CDH13: variants seen among roughly 807,000 people sequenced by gnomAD.
CDH13 encodes the protein cadherin 13.
A neutral mutation model predicts 63.8 loss-of-function variants in CDH13; 24 were observed. The ratio of observed to expected loss-of-function variants is 0.38; its 90% confidence interval spans 0.27 to 0.53. The LOEUF is 0.53. Ranked by LOEUF, CDH13 falls within the 20% of genes least tolerant of loss-of-function variation. The probability of loss-of-function intolerance (pLI) is 0.85; values close to 1 mark genes in which losing one functional copy is unlikely to be tolerated. For synonymous variants in CDH13, 503 were observed against 355.3 expected, an observed-to-expected ratio of 1.42 and a Z score of -4.67; for missense variants, 1,049 against 903.1, an observed-to-expected ratio of 1.16 and a Z score of -2.07.
intron 4 of CDH13, among the ~76,000 whole-genome samples, chr16:83,201,233 C>G (rs1013802696): frequency 2.0e-5 from 3 of 151,978 alleles, no homozygotes; most frequent in Non-Finnish European, 2.9e-5. Flanking sequence ...TACTATGGAC[C>G]ATGCACTGTT....
At chr16:83,131,472 C>T (rs1188920054) in intron 4 of CDH13, among the ~76,000 whole-genome samples, 1 of 152,112 alleles carries the variant, frequency 6.6e-6, no homozygotes, top group Non-Finnish European at 1.5e-5. Context: ...TTTTTCCCCT[C>T]CCCCTTCAAA....
At position 83,050,687 on chromosome 16, in the gene CDH13, C is replaced by T. The variant is rs567494484; in HGVS notation, c.366+18469C>T. On this transcript the variant is annotated intron_variant, in intron 3 of 13. Coordinates refer to ENST00000567109, the MANE Select transcript of CDH13 (RefSeq NM_001257.5). ...GCTTCATTTCTGACCTCAGGTCCATCGTGTCTACAGCGCATCTCCACCCGT... is the reference window on the plus strand; with the variant it reads ...GCTTCATTTCTGACCTCAGGTCCATTGTGTCTACAGCGCATCTCCACCCGT... Among the ~76,000 whole-genome samples, 15 of 152,146 alleles carry T rather than the reference C, an allele frequency of 9.9e-5. No homozygotes were observed. The South Asian group carries it at 2.5e-3, about 25-fold the overall frequency.
intron 7 of CDH13, among the ~76,000 whole-genome samples, chr16:83,552,697 C>G (rs575774559): frequency 1.3e-4 from 20 of 152,184 alleles, no homozygotes; most frequent in Non-Finnish European, 2.5e-4. Context: ...GAATTTGTCA[C>G]TAAAGAAAGA....
chr16:83,790,757 TC>T (rs1055078566), intron 13 of CDH13, among the ~76,000 whole-genome samples: 1 of 152,130 alleles, frequency 6.6e-6, no homozygotes, highest in African/African-American at 2.4e-5. Context: ...GTGTAATTCT[TC>T]CCCTAGCACC....
intron 7 of CDH13, among the ~76,000 whole-genome samples, chr16:83,569,075 C>T (rs1374123854): frequency 6.6e-6 from 1 of 152,108 alleles, no homozygotes; most frequent in East Asian, 1.9e-4. Context: ...TCTCCTTTCC[C>T]TCCTTCTGAA....
At chr16:83,226,784 G>A (rs1056898660) in intron 5 of CDH13, among the ~76,000 whole-genome samples, 1 of 152,194 alleles carries the variant, frequency 6.6e-6, no homozygotes. Flanking sequence ...CAGGACTTGA[G>A]ATTCCCTGGC....
intron 6 of CDH13, among the ~76,000 whole-genome samples, chr16:83,431,450 A>T (rs555710809): frequency 1.2e-4 from 18 of 152,080 alleles, no homozygotes; most frequent in Admixed American, 9.8e-4. Flanking sequence ...TGTGCAAATC[A>T]TGGAGGTCTT....
At chr16:83,172,963 C>G (rs1005639848) in intron 4 of CDH13, among the ~76,000 whole-genome samples, 7 of 152,064 alleles carry the variant, frequency 4.6e-5, no homozygotes, top group African/African-American at 1.2e-4. Context: ...CTCTCCCCAC[C>G]CCACCTTAGT....
At chr16:82,898,981 C>T (rs1471225006) in intron 2 of CDH13, among the ~76,000 whole-genome samples, 2 of 152,232 alleles carry the variant, frequency 1.3e-5, no homozygotes, top group Admixed American at 6.5e-5. Context: ...CTCTCTGCAG[C>T]TGAGGTAATT....
chr16:82,760,513 T>G (rs183810562), intron 1 of CDH13, among the ~76,000 whole-genome samples: 2 of 152,162 alleles, frequency 1.3e-5, no homozygotes, highest in African/African-American at 4.8e-5. Flanking sequence ...AGATTCATAG[T>G]TTGGACCCTG....
At chr16:82,705,803 T>C (rs1448363175) in intron 1 of CDH13, among the ~76,000 whole-genome samples, 2 of 152,208 alleles carry the variant, frequency 1.3e-5, no homozygotes, top group Non-Finnish European at 2.9e-5. Flanking sequence ...CTTCTCATTT[T>C]GTTTATGATC....
chr16:83,382,003 A>G (rs887442085), intron 6 of CDH13, among the ~76,000 whole-genome samples: 1 of 152,200 alleles, frequency 6.6e-6, no homozygotes, highest in South Asian at 2.1e-4. Flanking sequence ...ACGACGAAAA[A>G]GTCTCCCTTA....
At chr16:83,154,447 G>C (rs1391363383) in intron 4 of CDH13, among the ~76,000 whole-genome samples, 1 of 151,696 alleles carries the variant, frequency 6.6e-6, no homozygotes, top group African/African-American at 2.4e-5. Context: ...TACACCTGTG[G>C]TCCCAGCTAC....
At chr16:82,726,208 T>G (rs1464070862) in intron 1 of CDH13, among the ~76,000 whole-genome samples, 1 of 152,196 alleles carries the variant, frequency 6.6e-6, no homozygotes, top group African/African-American at 2.4e-5. Context: ...ACTGGTTGAC[T>G]GTATCCTGTA....
chr16:83,793,838 G>T (rs1336544879), intron 13 of CDH13, among the ~76,000 whole-genome samples: 1 of 151,288 alleles, frequency 6.6e-6, no homozygotes, highest in Non-Finnish European at 1.5e-5. Flanking sequence ...AAATTTCTCA[G>T]ATGTGACTCA....
rs182006234 is a variant in CDH13 at position 83,697,404 on chromosome 16, G to T, written c.1538+18943G>T. ...ATGGCGTTGAGCACAGTGCGGAAGT[G>T]CTGTCCAGCGTCTCTGGGCACAGAA... On this transcript the variant is annotated intron_variant, in intron 10 of 13. Coordinates refer to ENST00000567109, the MANE Select transcript of CDH13 (RefSeq NM_001257.5). 2.0e-5 allele frequency among the ~76,000 whole-genome samples: 3 copies of T among 152,232 alleles called. No individual in the cohort carries two copies. The East Asian group carries it at 5.8e-4, about 29-fold the overall frequency.
At chr16:83,520,285 T>C (rs1009276206) in intron 7 of CDH13, among the ~76,000 whole-genome samples, 4 of 152,220 alleles carry the variant, frequency 2.6e-5, no homozygotes, top group African/African-American at 9.6e-5. Flanking sequence ...ACATTTTGTA[T>C]GATTCCATCG....
chr16:83,259,069 C>T (rs1269624648), intron 5 of CDH13, among the ~76,000 whole-genome samples: 1 of 152,174 alleles, frequency 6.6e-6, no homozygotes, highest in Non-Finnish European at 1.5e-5. Flanking sequence ...GAAAATGTGT[C>T]CTCCTAGCCA....
intron 1 of CDH13, among the ~76,000 whole-genome samples, chr16:82,842,030 TAGA>T (rs1468250483): frequency 6.8e-6 from 1 of 147,748 alleles, no homozygotes; most frequent in Non-Finnish European, 1.5e-5. Flanking sequence ...CCCTCACTGC[TAGA>T]AGAATTCCCT....
Sources: gnomAD v4.1 joint callset for allele counts (sites outside exome capture counted in the v4.1 genomes callset) on GRCh38, gnomAD v4.1.1 for gene constraint, MANE v1.5 for transcripts, NCBI Gene and HGNC (gene_info 2026-07-23, HGNC 2026-07-21) for gene names.